Variants in TNFAIP8 observed in about 807,000 individuals in gnomAD.
TNFAIP8 encodes the protein TNF alpha induced protein 8, also known as tumor necrosis factor alpha-induced protein 8.
TNFAIP8 carries 7 observed loss-of-function variants against 13.3 expected under a neutral mutation model. The observed-to-expected ratio is 0.52, with a 90% confidence interval of 0.30 to 0.99. TNFAIP8 has a LOEUF of 0.99. Among genes scored for constraint, TNFAIP8 ranks in the 50% least tolerant of loss-of-function variants. The pLI is 0.07. For synonymous variants in TNFAIP8, 94 were observed against 87.6 expected, an observed-to-expected ratio of 1.07 and a Z score of -0.41; for missense variants, 258 against 236.9, an observed-to-expected ratio of 1.09 and a Z score of -0.58.
chr5:119,355,869 A>T, upstream of TNFAIP8: 1 of 1,105,442 alleles, frequency 9.0e-7, no homozygotes, highest in African/African-American at 1.7e-5. Flanking sequence ...CCGGGGGCGG[A>T]CTCCCGCCGC....
chr5:119,283,136 A>G (rs952056844), intron 1 of TNFAIP8, among the ~76,000 whole-genome samples: 1 of 152,088 alleles, frequency 6.6e-6, no homozygotes, highest in African/African-American at 2.4e-5. Flanking sequence ...GGGCTGCCCT[A>G]TTTTATTCAT....
In TNFAIP8 at chr5:119,393,131, T is replaced by G; in HGVS notation, c.347T>G (p.Phe116Cys). The change falls in exon 2 of 2, where the codon TTC (phenylalanine) becomes TGC (cysteine). Residue 116 changes from phenylalanine to cysteine, a missense_variant. Physicochemically the swap from Phe to Cys is radical, Grantham distance 205 (BLOSUM62 -2). Transcript: ENST00000504771. ...CAGCTTGCTATGACCGTGGTCAGTT[T>G]CCATCAGGTGGATTATACCTTTGAC... ...VHQLAMTVVS[F>C]HQVDYTFDRN... The G allele has an allele frequency of 6.2e-7, 1 of 1,614,026 alleles. No individual in the cohort carries two copies. Among genetic ancestry groups the G allele is most frequent in the Non-Finnish European group, 8.5e-7 (1 of 1,179,898 alleles).
At chr5:119,308,325 A>G (rs1211256901) in intron 1 of TNFAIP8, among the ~76,000 whole-genome samples, 1 of 150,066 alleles carries the variant, frequency 6.7e-6, no homozygotes, top group African/African-American at 2.5e-5. Flanking sequence ...TGTCCCTCAC[A>G]TCTGTTTCTC....
In TNFAIP8 at chr5:119,388,630, TTTTTC is replaced by T. The variant is rs113406514; in HGVS notation, c.32-4164_32-4160del. On this transcript the variant is annotated intron_variant, in intron 1 of 1. Coordinates refer to ENST00000504771, the MANE Select transcript of TNFAIP8 (RefSeq NM_014350.4). ...AAAGAACTTACATGAAGCATCTTTT[TTTTTC>T]TTTTCTTTTCTTTTCTTTTCTGAGA... Among the ~76,000 whole-genome samples the T allele has an allele frequency of 9.8e-4, 148 of 150,704 alleles. No homozygotes were observed. The South Asian group carries it at 0.013, about 14-fold the overall frequency.
In TNFAIP8 at chr5:119,394,733, A is replaced by G. The variant is rs1753033267; in HGVS notation, c.*1352A>G. 1 of 151,474 alleles carries G rather than the reference A, an allele frequency of 6.6e-6. No homozygotes were observed. The highest frequency in any genetic ancestry group is 1.5e-5 in the Non-Finnish European group (1 of 68,062). The allele number at this position is 151,474 out of a possible 1,614,324, so 9.4% of individuals were successfully genotyped here. ...GTGATTCTCCTGCCTCTGCCTCCCA[A>G]GTAGCTGGGATTACAGGCATGCACC... On this transcript the variant is annotated 3_prime_UTR_variant, in exon 2 of 2. Transcript: ENST00000504771.
chr5:119,318,482 G>C (rs1561998463), intron 1 of TNFAIP8, among the ~76,000 whole-genome samples: 1 of 151,886 alleles, frequency 6.6e-6, no homozygotes, highest in Non-Finnish European at 1.5e-5. Context: ...TTTTTGTAGA[G>C]ACGGGGTTCC....
intron 1 of TNFAIP8, among the ~76,000 whole-genome samples, chr5:119,285,961 T>C (rs1748765321): frequency 6.6e-6 from 1 of 152,192 alleles, no homozygotes; most frequent in African/African-American, 2.4e-5. Flanking sequence ...TATGAGTACA[T>C]ACGCTTTTTT....
chr5:119,374,060 G>T (rs975667204), intron 1 of TNFAIP8, among the ~76,000 whole-genome samples: 1 of 152,034 alleles, frequency 6.6e-6, no homozygotes, highest in Non-Finnish European at 1.5e-5. Context: ...CATTCACATA[G>T]TATATAGGGT....
rs187428178 is a variant in TNFAIP8, at chr5:119,318,629, T to A, written c.1+49722T>A. 2.2e-3 allele frequency among the ~76,000 whole-genome samples: 328 copies of A among 149,952 alleles called. 2 individuals are homozygous for A. Among genetic ancestry groups the A allele is most frequent in the African/African-American group, 7.1e-3 (287 of 40,534 alleles). ...AATTGATGTACATATGAATCTGGAGTGATACCTGTTATAGTTTTTCAGTTT... is the reference window on the plus strand; with the variant it reads ...AATTGATGTACATATGAATCTGGAGAGATACCTGTTATAGTTTTTCAGTTT... On this transcript the variant is annotated intron_variant, in intron 1 of 1. Transcript: ENST00000274456.
chr5:119,352,214 G>A (rs1157061607), upstream of TNFAIP8, among the ~76,000 whole-genome samples: 1 of 152,196 alleles, frequency 6.6e-6, no homozygotes, highest in Non-Finnish European at 1.5e-5. Context: ...GAGGATAATA[G>A]GAAGAACTCA....
chr5:119,388,311 C>G (rs948396352), intron 1 of TNFAIP8, among the ~76,000 whole-genome samples: 4 of 152,182 alleles, frequency 2.6e-5, no homozygotes, highest in Admixed American at 2.6e-4. Context: ...AAAACAAATA[C>G]CTGTTTTTCT....
chr5:119,339,658 C>T (rs1448412785), intron 1 of TNFAIP8, among the ~76,000 whole-genome samples: 1 of 151,936 alleles, frequency 6.6e-6, no homozygotes, highest in Non-Finnish European at 1.5e-5. Flanking sequence ...GTCGATAAAG[C>T]ATCACCAAGG....
At chr5:119,353,356 C>G (rs1270309348), upstream of TNFAIP8, among the ~76,000 whole-genome samples, 1 of 152,150 alleles carries the variant, frequency 6.6e-6, no homozygotes, top group Non-Finnish European at 1.5e-5. Context: ...AAGGGGAGCC[C>G]TAGAGAATCA....
chr5:119,332,838 G>A (rs989200700), intron 1 of TNFAIP8, among the ~76,000 whole-genome samples: 1 of 152,206 alleles, frequency 6.6e-6, no homozygotes, highest in South Asian at 2.1e-4. Context: ...GTATGTGTAT[G>A]TGTACATGTG....
chr5:119,361,238 C>CA (rs1346775867), intron 1 of TNFAIP8, among the ~76,000 whole-genome samples: 3 of 152,132 alleles, frequency 2.0e-5, no homozygotes, highest in Non-Finnish European at 4.4e-5. Flanking sequence ...GCACTGCCCC[C>CA]CCAGCCGCTG....
chr5:119,348,880 C>CA (rs60633145), intron 1 of TNFAIP8, among the ~76,000 whole-genome samples: 3,353 of 90,522 alleles, frequency 0.037, 250 homozygotes, highest in East Asian at 0.3. Flanking sequence ...AACTCCATCT[C>CA]AAAAAAAAAA....
At chr5:119,300,003 G>T (rs1181733101) in intron 1 of TNFAIP8, among the ~76,000 whole-genome samples, 1 of 152,224 alleles carries the variant, frequency 6.6e-6, no homozygotes, top group Non-Finnish European at 1.5e-5. Context: ...TTTTCCAGGT[G>T]CCGTCTGTCA....
In TNFAIP8 at chr5:119,292,645, C is replaced by CATATATATATAT. The variant is rs56896742; in HGVS notation, c.1+23768_1+23779dup. Among the ~76,000 whole-genome samples, 31 of 32,814 alleles carry CATATATATATAT rather than the reference C, an allele frequency of 9.4e-4. 1 individual carries two copies. Among genetic ancestry groups the CATATATATATAT allele is most frequent in the African/African-American group, 1.1e-3 (19 of 16,996 alleles). 21.5% of individuals were successfully genotyped at this position (32,814 alleles called of 152,430 possible). A position where few individuals can be genotyped will look rare whatever the true frequency, so the allele number is the denominator to read the frequency against. On this transcript the variant is annotated intron_variant, in intron 1 of 1. Coordinates refer to the TNFAIP8 transcript ENST00000274456. ...ATTAGTGAATGAATAATCAATGTAG[C>CATATATATATAT]ATATATATATATATATATATATATA...
At chr5:119,353,031 G>A (rs1751231687), upstream of TNFAIP8, among the ~76,000 whole-genome samples, 1 of 152,148 alleles carries the variant, frequency 6.6e-6, no homozygotes, top group African/African-American at 2.4e-5. Flanking sequence ...GACACTTGCA[G>A]GAGTTCAACA....
Sources: gnomAD v4.1 joint callset for allele counts (sites outside exome capture counted in the v4.1 genomes callset) on GRCh38, gnomAD v4.1.1 for gene constraint, MANE v1.5 for transcripts, NCBI Gene and HGNC (gene_info 2026-07-23, HGNC 2026-07-21) for gene names.